EML1: variants seen among roughly 807,000 people sequenced by gnomAD.
EML1 encodes EMAP like 1.
Under a neutral mutation model 110.4 loss-of-function variants are expected in EML1, and 27 were observed. That is an observed-to-expected ratio of 0.24 (90% confidence interval 0.18 to 0.34). The LOEUF is 0.34. Ranked by LOEUF, EML1 falls within the 10% of genes least tolerant of loss-of-function variation. The probability of loss-of-function intolerance (pLI) is 1.00; values close to 1 mark genes in which losing one functional copy is unlikely to be tolerated. For synonymous variants in EML1, 344 were observed against 385.8 expected (o/e 0.89, Z 1.27); for missense variants, 741 against 1,030.9 (o/e 0.72, Z 3.85).
intron 1 of EML1, among the ~76,000 whole-genome samples, chr14:99,846,744 C>T (rs901454789): frequency 6.6e-6 from 1 of 152,152 alleles, no homozygotes; most frequent in Non-Finnish European, 1.5e-5. Flanking sequence ...AGGCAGAGAG[C>T]TTCTTAAGGA....
chr14:99,909,439 T>C lies in EML1; in HGVS notation c.1199T>C (p.Leu400Pro). The C allele has an allele frequency of 6.2e-7, 1 of 1,614,172 alleles. No individual in the cohort carries two copies. Among genetic ancestry groups the C allele is most frequent in the Non-Finnish European group, 8.5e-7 (1 of 1,180,008 alleles). ...CGKSHLYFWT[L>P]EGSSLNKKQG... ...AAATCACATCTCTACTTTTGGACAC[T>C]AGAAGGAAGCTCCCTTAATAAGAAG... Residue 400 changes from leucine (L) to proline (P), a missense_variant, in exon 11 of 22, where the codon CTA (leucine) becomes CCA (proline). Leu to Pro is a moderately conservative substitution (Grantham distance 98, BLOSUM62 -3). Around this residue, in one of 4 missense-constraint regions of EML1, gnomAD observed 388 missense variants for 605.6 expected, o/e 0.64. Transcript: ENST00000262233.
chr14:99,939,312 C>T lies in EML1; in HGVS notation c.2307C>T (p.Pro769=). The change falls in exon 21 of 22, where the codon CCC becomes CCT. Residue 769 remains proline (P), a synonymous_variant. Transcript: ENST00000262233. This position sits in a 1 kb window ranked among gnomAD's most constrained non-coding sequence, Gnocchi z 4.2. The stretch of plus-strand genomic sequence containing the variant: ...GCAAAGTGCACCTCTTCTCATACCC[C>T]TGCTCGCAGTTCAGGGTAAAGGACT... The part of the protein sequence containing the change: ...DFGKVHLFSY[P]CSQFRAPSHI... The T allele has an allele frequency of 1.9e-6, 3 of 1,614,246 alleles. No homozygotes were observed. The highest frequency in any genetic ancestry group is 2.5e-6 in the Non-Finnish European group (3 of 1,180,042).
intron 2 of EML1, among the ~76,000 whole-genome samples, chr14:99,864,180 A>T (rs1365757413): frequency 1.3e-5 from 2 of 152,124 alleles, no homozygotes; most frequent in East Asian, 3.9e-4. Flanking sequence ...CATTTTTTTA[A>T]TTGGGCTGTT....
intron 17 of EML1, among the ~76,000 whole-genome samples, chr14:99,927,809 TGGGG>T (rs1315421919): frequency 7.2e-4 from 1 of 1,388 alleles, no homozygotes. Flanking sequence ...GTGGGGGGGG[TGGGG>T]GGGTGGTGGT....
chr14:99,913,238 G>C (rs1284510080), intron 13 of EML1, among the ~76,000 whole-genome samples: 15 of 152,010 alleles, frequency 9.9e-5, no homozygotes, highest in Admixed American at 9.8e-4. Flanking sequence ...CTGGAGTGCA[G>C]TGGCGTGATC....
chr14:99,870,120 A>T (rs1004488950), intron 3 of EML1, among the ~76,000 whole-genome samples: 2 of 152,260 alleles, frequency 1.3e-5, no homozygotes, highest in African/African-American at 4.8e-5. Context: ...GTGCTACTCC[A>T]GTGAACACGT....
At chr14:99,855,403 T>C (rs563552584) in intron 2 of EML1, among the ~76,000 whole-genome samples, 4 of 152,360 alleles carry the variant, frequency 2.6e-5, no homozygotes, top group Admixed American at 6.5e-5. Flanking sequence ...GCAGGGCTCA[T>C]GGCAAATGTC....
intron 1 of EML1, among the ~76,000 whole-genome samples, chr14:99,799,923 G>A (rs2057843704): frequency 6.6e-6 from 1 of 152,210 alleles, no homozygotes; most frequent in African/African-American, 2.4e-5. Flanking sequence ...GCTCTCTCTA[G>A]TAAGACAGTC....
At chr14:99,820,837 C>T (rs1255933790) in intron 1 of EML1, among the ~76,000 whole-genome samples, 7 of 151,968 alleles carry the variant, frequency 4.6e-5, no homozygotes, top group Non-Finnish European at 8.8e-5. Flanking sequence ...AAGGAGGAGC[C>T]ATGTGGTGGG....
chr14:99,864,702 C>T (rs1289214479), intron 2 of EML1, among the ~76,000 whole-genome samples: 3 of 151,536 alleles, frequency 2.0e-5, no homozygotes, highest in African/African-American at 7.3e-5. Context: ...ATCCCAGCTA[C>T]TCAGGAGGCT....
At chr14:99,910,468 C>T in intron 12 of EML1, 127 bp downstream of exon 12, 2 of 683,844 alleles carry the variant, frequency 2.9e-6, no homozygotes, top group South Asian at 4.1e-5. Context: ...GTTACAGAGA[C>T]ACACACATAC....
chr14:99,887,271 A>C (rs2059495206), intron 4 of EML1, among the ~76,000 whole-genome samples: 1 of 152,216 alleles, frequency 6.6e-6, no homozygotes. Flanking sequence ...TCTTTCAGCA[A>C]ATCTCCTTCT....
At chr14:99,778,595 A>C (rs2057507628) in intron 1 of EML1, among the ~76,000 whole-genome samples, 1 of 152,090 alleles carries the variant, frequency 6.6e-6, no homozygotes, top group African/African-American at 2.4e-5. Context: ...AATCCCATGT[A>C]ATCTTTCTTG....
chr14:99,919,490 G>A lies in EML1; in HGVS notation c.1821-1299G>A, dbSNP rs958438866. On this transcript the variant is annotated intron_variant, in intron 16 of 21. Coordinates refer to ENST00000262233, the MANE Select transcript of EML1 (RefSeq NM_004434.3). ...CCACCTCCCATTTGACTCTCTTTGA[G>A]ACAGGTAAACCTTCTAACTCATCAG... 2.0e-5 allele frequency among the ~76,000 whole-genome samples: 3 copies of A among 149,826 alleles called. No homozygotes were observed. In the South Asian group the frequency reaches 6.3e-4, roughly 32 times the overall value.
upstream of EML1, among the ~76,000 whole-genome samples, chr14:99,768,454 C>T (rs546381238): frequency 5.9e-5 from 9 of 152,134 alleles, no homozygotes; most frequent in South Asian, 1.0e-3. Context: ...CAAAGGAACT[C>T]GGGCACAGGC....
chr14:99,850,745 T>A (rs1283878347), intron 1 of EML1, 108 bp from the exon 2 acceptor site: 1 of 1,192,686 alleles, frequency 8.4e-7, no homozygotes, highest in Non-Finnish European at 1.2e-6. Context: ...TCCGTAAGTG[T>A]TACTATGTTA....
intron 14 of EML1, 26 bp from the exon 15 acceptor site, chr14:99,914,540 C>T (rs780599471): frequency 6.3e-7 from 1 of 1,578,600 alleles, no homozygotes; most frequent in South Asian, 1.2e-5. Context: ...TCTCAGAGCG[C>T]TTCTGTTTGT....
chr14:99,763,646 G>T (rs1422735913), intron 1 of EML1, among the ~76,000 whole-genome samples: 1 of 152,126 alleles, frequency 6.6e-6, no homozygotes, highest in Non-Finnish European at 1.5e-5. Flanking sequence ...ATGAGCTTGT[G>T]GTCTTCGTGT....
intron 9 of EML1, among the ~76,000 whole-genome samples, chr14:99,904,209 A>G (rs2059806710): frequency 6.6e-6 from 1 of 152,208 alleles, no homozygotes. Context: ...TTTTATTCCA[A>G]TGTTTAATTT....
Sources: allele counts gnomAD v4.1 joint callset (sites outside exome capture counted in the v4.1 genomes callset), GRCh38; gene constraint gnomAD v4.1.1; regional missense constraint gnomAD v4.1.1; non-coding constraint Gnocchi (gnomAD v3.1); transcripts MANE v1.5; gene names NCBI Gene and HGNC (gene_info 2026-07-23, HGNC 2026-07-21).